Variants in NAALADL2 observed in about 807,000 individuals in gnomAD.
NAALADL2 encodes inactive N-acetylated-alpha-linked acidic dipeptidase-like protein 2.
NAALADL2 carries 76 observed loss-of-function variants against 87.2 expected under a neutral mutation model. The ratio of observed to expected loss-of-function variants is 0.87; its 90% confidence interval spans 0.72 to 1.05. The LOEUF (loss-of-function observed/expected upper bound fraction) is 1.05, where lower values mean the gene tolerates loss of function less well. Among genes scored for constraint, NAALADL2 ranks in the 50% least tolerant of loss-of-function variants. The pLI, the probability that NAALADL2 is intolerant of heterozygous loss-of-function variation, is 0.00. For missense variants in NAALADL2, 1,089 were observed against 945.8 expected, an observed-to-expected ratio of 1.15 and a Z score of -1.99; for synonymous variants, 354 against 331.0, an observed-to-expected ratio of 1.07 and a Z score of -0.75.
In NAALADL2 at chr3:175,060,324, G is replaced by A. The variant is rs1017035119; in HGVS notation, c.44-36466G>A. On this transcript the variant is annotated intron_variant, in intron 1 of 13. Transcript: ENST00000454872. Reference sequence around the variant, plus strand: ...TGGAGAAAGAAAGGAAGAAAAGTTCGTAAATACAAATAGAATTTCATCCAC... The same window carrying A: ...TGGAGAAAGAAAGGAAGAAAAGTTCATAAATACAAATAGAATTTCATCCAC... Among the ~76,000 whole-genome samples, 34 of 152,228 alleles carry A rather than the reference G, an allele frequency of 2.2e-4. No homozygotes were observed. In the South Asian group the frequency reaches 2.9e-3, roughly 13 times the overall value.
intron 4 of NAALADL2, among the ~76,000 whole-genome samples, chr3:175,298,990 A>G (rs1000288864): frequency 2.0e-5 from 3 of 152,140 alleles, no homozygotes; most frequent in East Asian, 1.9e-4. Context: ...TTTTAAGCAG[A>G]TTCTTTCAAA....
At chr3:174,856,432 A>C (rs997208215), upstream of NAALADL2, among the ~76,000 whole-genome samples, 1 of 152,160 alleles carries the variant, frequency 6.6e-6, no homozygotes, top group Non-Finnish European at 1.5e-5. Flanking sequence ...CAATAAGTGT[A>C]AAATTGTGCA....
At chr3:175,478,111 T>G (rs556094818) in intron 9 of NAALADL2, among the ~76,000 whole-genome samples, 16 of 152,154 alleles carry the variant, frequency 1.1e-4, no homozygotes, top group Non-Finnish European at 1.6e-4. Context: ...TAGATTTTTT[T>G]GGGTTTTGTT....
chr3:175,796,120 T>TG (rs1341642332), intron 13 of NAALADL2, among the ~76,000 whole-genome samples: 130 of 10,258 alleles, frequency 0.013, no homozygotes, highest in African/African-American at 0.047. Context: ...GCAGGGTGGG[T>TG]GGGGGGTTGG....
At chr3:174,615,119 TAAG>T (rs1720329395) in intron 2 of NAALADL2, among the ~76,000 whole-genome samples, 1 of 152,196 alleles carries the variant, frequency 6.6e-6, no homozygotes, top group Non-Finnish European at 1.5e-5. Flanking sequence ...ATTATTGTGG[TAAG>T]AAGGAAAGTT....
In NAALADL2 at chr3:174,903,952, A is replaced by AATATCTATATCT. The variant is rs143384708; in HGVS notation, c.43+44523_43+44534dup. Reference sequence around the variant, plus strand: ...GATATTCTTCGCAGGGCCAGAAAGGAATATCTATATCTATATCTATATCTA... The same window carrying AATATCTATATCT: ...GATATTCTTCGCAGGGCCAGAAAGGAATATCTATATCTATATCTATATCTATATCTATATCTA... On this transcript the variant is annotated intron_variant, in intron 1 of 13. Transcript: ENST00000454872. Among the ~76,000 whole-genome samples the AATATCTATATCT allele has an allele frequency of 2.4e-3, 367 of 150,494 alleles. 3 individuals are homozygous for AATATCTATATCT. The highest frequency in any genetic ancestry group is 8.1e-3 in the African/African-American group (329 of 40,738).
chr3:175,383,884 T>C (rs753722699), intron 5 of NAALADL2, among the ~76,000 whole-genome samples: 1 of 152,062 alleles, frequency 6.6e-6, no homozygotes, highest in Non-Finnish European at 1.5e-5. Context: ...TCTCTAGTTC[T>C]TTCTCAGTAA....
chr3:175,782,821 G>C (rs1324260570), intron 13 of NAALADL2, among the ~76,000 whole-genome samples: 1 of 147,350 alleles, frequency 6.8e-6, no homozygotes, highest in East Asian at 1.9e-4. Context: ...TTTTCTTCTA[G>C]GTTTTTTATG....
intron 9 of NAALADL2, among the ~76,000 whole-genome samples, chr3:175,538,360 T>A (rs969605917): frequency 6.6e-5 from 10 of 151,748 alleles, no homozygotes; most frequent in African/African-American, 2.2e-4. Context: ...CCTCCTTAAG[T>A]AAAGTGCACA....
intron 4 of NAALADL2, among the ~76,000 whole-genome samples, chr3:175,312,960 T>A (rs1018520086): frequency 6.6e-6 from 1 of 152,180 alleles, no homozygotes; most frequent in African/African-American, 2.4e-5. Flanking sequence ...AGGGCTGCCA[T>A]AGTAAAATAC....
At chr3:175,641,255 C>T (rs984515841) in intron 11 of NAALADL2, among the ~76,000 whole-genome samples, 4 of 152,166 alleles carry the variant, frequency 2.6e-5, no homozygotes, top group Non-Finnish European at 5.9e-5. Flanking sequence ...AAGTAGCACC[C>T]TCCCTCATCC....
At chr3:175,014,288 G>T (rs1030924559) in intron 1 of NAALADL2, among the ~76,000 whole-genome samples, 1 of 151,978 alleles carries the variant, frequency 6.6e-6, no homozygotes, top group Admixed American at 6.6e-5. Flanking sequence ...TTATATCCTT[G>T]CTTCCTTCCC....
intron 4 of NAALADL2, among the ~76,000 whole-genome samples, chr3:175,272,898 A>T (rs765949509): frequency 6.6e-6 from 1 of 152,098 alleles, no homozygotes; most frequent in Non-Finnish European, 1.5e-5. Flanking sequence ...AAAGATTAAA[A>T]TAGTTGTAGC....
chr3:175,217,739 T>C (rs921289525), intron 2 of NAALADL2, among the ~76,000 whole-genome samples: 2 of 152,212 alleles, frequency 1.3e-5, no homozygotes, highest in East Asian at 1.9e-4. Context: ...AGCTAACCAT[T>C]GAACCAAACA....
intron 12 of NAALADL2, among the ~76,000 whole-genome samples, chr3:175,753,692 T>G (rs1746890299): frequency 6.6e-6 from 1 of 152,178 alleles, no homozygotes; most frequent in Non-Finnish European, 1.5e-5. Context: ...GCTGTGCCCC[T>G]AGAAAGAATC....
intron 2 of NAALADL2, among the ~76,000 whole-genome samples, chr3:174,603,685 T>G (rs1260844155): frequency 6.6e-6 from 1 of 152,050 alleles, no homozygotes; most frequent in Admixed American, 6.6e-5. Context: ...TTATTTGAAG[T>G]TTTTTTCTTA....
At chr3:175,326,575 T>G (rs1367625513) in intron 5 of NAALADL2, among the ~76,000 whole-genome samples, 2 of 152,206 alleles carry the variant, frequency 1.3e-5, no homozygotes, top group African/African-American at 4.8e-5. Context: ...GTTGCTATAA[T>G]GGAGTGCTTG....
intron 11 of NAALADL2, among the ~76,000 whole-genome samples, chr3:175,652,565 G>A (rs369974937): frequency 2.7e-5 from 4 of 145,644 alleles, no homozygotes; most frequent in East Asian, 2.0e-4. Context: ...TGCAAGCTCC[G>A]CCTCCCGGGT....
chr3:174,897,050 A>T (rs1731630732), intron 1 of NAALADL2, among the ~76,000 whole-genome samples: 1 of 152,220 alleles, frequency 6.6e-6, no homozygotes, highest in Non-Finnish European at 1.5e-5. Context: ...TAAGACTTTA[A>T]ACTATGAAAA....
Sources: gnomAD v4.1 joint callset for allele counts (sites outside exome capture counted in the v4.1 genomes callset) on GRCh38, gnomAD v4.1.1 for gene constraint, MANE v1.5 for transcripts, NCBI Gene and HGNC (gene_info 2026-07-23, HGNC 2026-07-21) for gene names.